ARHGAP26: variants seen among roughly 807,000 people sequenced by gnomAD.
The protein encoded by ARHGAP26 is rho GTPase-activating protein 26.
Under a neutral mutation model 104.8 loss-of-function variants are expected in ARHGAP26, and 38 were observed. The ratio of observed to expected loss-of-function variants is 0.36; its 90% CI spans 0.28 to 0.48. The LOEUF (loss-of-function observed/expected upper bound fraction) is 0.48, where lower values mean the gene tolerates loss of function less well. Ranked by LOEUF, ARHGAP26 falls within the 20% of genes least tolerant of loss-of-function variation. ARHGAP26 has a pLI of 0.99. For missense variants in ARHGAP26, 704 were observed against 947.9 expected, an observed-to-expected ratio of 0.74 and a Z score of 3.38; for synonymous variants, 341 against 340.0, an observed-to-expected ratio of 1.00 and a Z score of -0.03.
intron 7 of ARHGAP26, among the ~76,000 whole-genome samples, chr5:142,902,420 A>G (rs1189011050): frequency 1.3e-5 from 2 of 152,116 alleles, no homozygotes; most frequent in Non-Finnish European, 2.9e-5. Flanking sequence ...TGTTCTGGGA[A>G]TGGGGGCTGG....
intron 1 of ARHGAP26, among the ~76,000 whole-genome samples, chr5:142,781,108 G>T (rs1238428456): frequency 3.9e-5 from 6 of 152,196 alleles, no homozygotes; most frequent in Admixed American, 3.9e-4. Flanking sequence ...AGCACAAAGG[G>T]GAGATTGCTA....
intron 18 of ARHGAP26, among the ~76,000 whole-genome samples, chr5:143,122,194 A>G (rs181833641): frequency 6.6e-6 from 1 of 152,256 alleles, no homozygotes; most frequent in Non-Finnish European, 1.5e-5. Context: ...CCCATTTCAT[A>G]CATTTGCCCA....
intron 11 of ARHGAP26, among the ~76,000 whole-genome samples, chr5:142,970,086 AAGC>A (rs935082148): frequency 5.3e-5 from 8 of 152,318 alleles, no homozygotes; most frequent in African/African-American, 1.7e-4. Context: ...TAGTCATGTT[AAGC>A]AGATGAACAG....
chr5:143,115,138 G>A (rs1795265308), intron 17 of ARHGAP26, among the ~76,000 whole-genome samples: 1 of 152,060 alleles, frequency 6.6e-6, no homozygotes, highest in Admixed American at 6.5e-5. Context: ...TTCGAGAGGA[G>A]CCTGGCCAAT....
intron 20 of ARHGAP26, among the ~76,000 whole-genome samples, chr5:143,204,069 A>T (rs867728075): frequency 5.3e-5 from 6 of 114,280 alleles, no homozygotes; most frequent in African/African-American, 2.6e-4. Flanking sequence ...AAGTATAATT[A>T]AAAAAAAAAA....
chr5:142,881,414 C>T (rs540215338), intron 4 of ARHGAP26, among the ~76,000 whole-genome samples: 1 of 152,108 alleles, frequency 6.6e-6, no homozygotes, highest in African/African-American at 2.4e-5. Context: ...GCTACTGTCC[C>T]CCGGGGCGGC....
At chr5:142,860,364 T>C (rs987339666) in intron 1 of ARHGAP26, 1 of 152,250 alleles carries the variant, frequency 6.6e-6, no homozygotes, top group African/African-American at 2.4e-5. Context: ...CACTTGAGTC[T>C]GTATGTCAGG....
At chr5:142,845,587 T>C (rs1239503057) in intron 1 of ARHGAP26, among the ~76,000 whole-genome samples, 1 of 152,252 alleles carries the variant, frequency 6.6e-6, no homozygotes, top group African/African-American at 2.4e-5. Context: ...TTCTCAGTGC[T>C]GAACTGCAGA....
intron 6 of ARHGAP26, among the ~76,000 whole-genome samples, chr5:142,895,969 A>G (rs1334290779): frequency 1.3e-5 from 2 of 151,448 alleles, no homozygotes; most frequent in African/African-American, 2.4e-5. Context: ...CAGTCTCCAT[A>G]TATGAATATT....
At chr5:143,013,809 G>T (rs1779206612) in intron 11 of ARHGAP26, among the ~76,000 whole-genome samples, 1 of 152,022 alleles carries the variant, frequency 6.6e-6, no homozygotes, top group Non-Finnish European at 1.5e-5. Flanking sequence ...ATTTATGTAC[G>T]CATATACATT....
chr5:143,199,539 T>C (rs1807387979), intron 20 of ARHGAP26, among the ~76,000 whole-genome samples: 1 of 152,198 alleles, frequency 6.6e-6, no homozygotes, highest in South Asian at 2.1e-4. Context: ...ACATTTTAGA[T>C]TTTCATGGAA....
intron 9 of ARHGAP26, among the ~76,000 whole-genome samples, chr5:142,908,224 G>A (rs1233997720): frequency 6.6e-6 from 1 of 152,178 alleles, no homozygotes; most frequent in Non-Finnish European, 1.5e-5. Context: ...CCAAAACTTA[G>A]CAACATTTAA....
chr5:142,920,930 C>G (rs1197893190), intron 10 of ARHGAP26, among the ~76,000 whole-genome samples: 2 of 152,190 alleles, frequency 1.3e-5, no homozygotes, highest in Non-Finnish European at 2.9e-5. Flanking sequence ...CTGGAATACG[C>G]TGAATTCATT....
chr5:143,113,953 T>C (rs1010233590), intron 17 of ARHGAP26, among the ~76,000 whole-genome samples: 1 of 152,120 alleles, frequency 6.6e-6, no homozygotes, highest in East Asian at 1.9e-4. Context: ...TCTGCAGACT[T>C]CATTCCCCTC....
chr5:143,001,352 T>C (rs1777166552), intron 11 of ARHGAP26, among the ~76,000 whole-genome samples: 1 of 152,372 alleles, frequency 6.6e-6, no homozygotes, highest in Admixed American at 6.5e-5. Flanking sequence ...TGGACAAATA[T>C]TGAACTTTAG....
chr5:142,956,123 T>C lies in ARHGAP26; in HGVS notation c.1107+23998T>C, dbSNP rs1198291090. Among the ~76,000 whole-genome samples the C allele has an allele frequency of 3.9e-5, 6 of 152,348 alleles. No individual in the cohort carries two copies. The East Asian group carries it at 7.7e-4, about 20-fold the overall frequency. ...GCATCCTTGTTTATCTATGTTTTCA[T>C]TATCTGAGTCCCTGAAGTTATGATT... On this transcript the variant is annotated intron_variant, in intron 11 of 22. Coordinates refer to ENST00000645722, the MANE Select transcript of ARHGAP26 (RefSeq NM_001135608.3).
chr5:143,214,939 TA>T (rs1191760379), intron 22 of ARHGAP26, among the ~76,000 whole-genome samples: 2 of 152,212 alleles, frequency 1.3e-5, no homozygotes, highest in African/African-American at 4.8e-5. Flanking sequence ...CTAGGCCCTT[TA>T]TAAATCAAAA....
At chr5:142,965,217 A>G (rs910842867) in intron 11 of ARHGAP26, among the ~76,000 whole-genome samples, 4 of 152,202 alleles carry the variant, frequency 2.6e-5, no homozygotes, top group African/African-American at 9.7e-5. Flanking sequence ...GGGCATGACC[A>G]CTTAAGCACA....
At chr5:142,864,710 C>G (rs192319376) in intron 1 of ARHGAP26, among the ~76,000 whole-genome samples, 4 of 152,292 alleles carry the variant, frequency 2.6e-5, no homozygotes, top group Admixed American at 2.0e-4. Flanking sequence ...AAGGCAGGGC[C>G]GGGGGCATCC....
Sources: allele counts gnomAD v4.1 joint callset (sites outside exome capture counted in the v4.1 genomes callset), GRCh38; gene constraint gnomAD v4.1.1; transcripts MANE v1.5; gene names NCBI Gene and HGNC (gene_info 2026-07-23, HGNC 2026-07-21).